The following DCST2 variants were observed in gnomAD, a reference collection of about 807,000 sequenced individuals.
DCST2 encodes the protein DC-STAMP domain-containing protein 2.
Under a neutral mutation model 81.8 loss-of-function variants are expected in DCST2, and 64 were observed. That is an observed-to-expected ratio of 0.78 (90% confidence interval 0.64 to 0.96). DCST2 has a LOEUF of 0.96. DCST2 is among the 40% of genes least tolerant of loss of function. DCST2 has a pLI of 0.00. For missense variants in DCST2, 945 were observed against 1,001.4 expected (o/e 0.94, Z 0.76); for synonymous variants, 354 against 402.6 (o/e 0.88, Z 1.44).
At chr1:155,019,112 C>A (rs575481297) in intron 14 of DCST2, among the ~76,000 whole-genome samples, 7 of 152,314 alleles carry the variant, frequency 4.6e-5, no homozygotes, top group East Asian at 1.9e-4. Context: ...CTTTGCTTCC[C>A]CTTCAACCTC....
At chr1:155,023,282 G>A (rs867655193) in intron 13 of DCST2, 25 bp from the exon 14 acceptor site, 2 of 1,613,948 alleles carry the variant, frequency 1.2e-6, no homozygotes, top group Middle Eastern at 3.3e-4. Context: ...CATCTCAGTG[G>A]CCTGCAGACA....
intron 10 of DCST2, 92 bp from the exon 11 acceptor site, chr1:155,024,694 A>G (rs1261235503): frequency 1.5e-6 from 2 of 1,348,890 alleles, no homozygotes; most frequent in Non-Finnish European, 1.9e-6. Flanking sequence ...TTTTCCTTCT[A>G]TCCAACTCCT....
chr1:155,033,288 A>T (rs771120063), intron 1 of DCST2, 24 bp from the exon 2 acceptor site: 2 of 1,600,910 alleles, frequency 1.2e-6, no homozygotes, highest in South Asian at 2.2e-5. Context: ...CTTTGTTAGA[A>T]CCAAGACCCC....
Sources: allele counts gnomAD v4.1 joint callset (sites outside exome capture counted in the v4.1 genomes callset), GRCh38; gene constraint gnomAD v4.1.1; transcripts MANE v1.5; gene names NCBI Gene and HGNC (gene_info 2026-07-23, HGNC 2026-07-21).